DLG1: variants seen among roughly 807,000 people sequenced by gnomAD.
DLG1 encodes the protein discs large MAGUK scaffold protein 1.
A neutral mutation model predicts 123.4 loss-of-function variants in DLG1; 42 were observed. That is an observed-to-expected ratio of 0.34 (90% CI 0.27 to 0.44). The LOEUF (loss-of-function observed/expected upper bound fraction) is 0.44, where lower values mean the gene tolerates loss of function less well. Ranked by LOEUF, DLG1 falls within the 20% of genes least tolerant of loss-of-function variation. The probability of loss-of-function intolerance (pLI) is 1.00; values close to 1 mark genes in which losing one functional copy is unlikely to be tolerated. For missense variants in DLG1, 942 were observed against 1,082.6 expected (o/e 0.87, Z 1.82); for synonymous variants, 317 against 356.2 (o/e 0.89, Z 1.24).
chr3:197,151,119 T>C (rs1028473258), intron 5 of DLG1, among the ~76,000 whole-genome samples: 2 of 152,138 alleles, frequency 1.3e-5, no homozygotes, highest in African/African-American at 4.8e-5. Flanking sequence ...TATTTCCCAA[T>C]GGTATATTGA....
chr3:197,250,858 G>C (rs1046334496), intron 4 of DLG1, among the ~76,000 whole-genome samples: 2 of 150,636 alleles, frequency 1.3e-5, no homozygotes, highest in Non-Finnish European at 3.0e-5. Context: ...GCCAGGCGCA[G>C]TGGCAGGTGC....
chr3:197,139,313 A>G (rs1786746252), intron 8 of DLG1, among the ~76,000 whole-genome samples: 1 of 152,202 alleles, frequency 6.6e-6, no homozygotes, highest in Non-Finnish European at 1.5e-5. Context: ...CTACATTTAC[A>G]TGAATGGTCA....
At chr3:197,297,863 C>G in intron 1 of DLG1, 1 of 985,450 alleles carries the variant, frequency 1.0e-6, no homozygotes, top group Non-Finnish European at 1.2e-6. Context: ...CGGAGCAGCT[C>G]CCCAGCCCGG....
At chr3:197,179,743 T>C (rs919804070) in intron 5 of DLG1, among the ~76,000 whole-genome samples, 10 of 152,158 alleles carry the variant, frequency 6.6e-5, no homozygotes, top group African/African-American at 2.4e-4. Flanking sequence ...ATTCTCTCTA[T>C]TGGACAATAT....
intron 14 of DLG1, among the ~76,000 whole-genome samples, chr3:197,091,595 C>A (rs1283137383): frequency 2.6e-5 from 4 of 151,826 alleles, no homozygotes; most frequent in African/African-American, 9.7e-5. Flanking sequence ...GACACAAAAG[C>A]AATCTGAAGT....
chr3:197,144,136 T>G (rs1157472327), intron 6 of DLG1, among the ~76,000 whole-genome samples: 1 of 152,246 alleles, frequency 6.6e-6, no homozygotes, highest in Non-Finnish European at 1.5e-5. Context: ...AAAAGGAGTC[T>G]CTTTCCTCTT....
Position 197,091,153 on chromosome 3 carries a change from T to C in DLG1, c.1547-127A>G, listed in dbSNP as rs988480960. On this transcript the variant is annotated intron_variant, in intron 14 of 24. Transcript: ENST00000667157. Reference sequence around the variant, plus strand: ...TGGTTAGAACCTTAAAATAGTAATATGCGAAAGATTTTGCCCAACACATAA... The same window carrying C: ...TGGTTAGAACCTTAAAATAGTAATACGCGAAAGATTTTGCCCAACACATAA... 6 of 546,976 alleles carry C rather than the reference T, an allele frequency of 1.1e-5. No individual in the cohort carries two copies. The African/African-American group carries it at 1.1e-4, about 10-fold the overall frequency. 33.9% of individuals were successfully genotyped at this position (546,976 alleles called of 1,614,324 possible).
chr3:197,075,263 G>C (rs903433827), intron 18 of DLG1, among the ~76,000 whole-genome samples: 19 of 132,622 alleles, frequency 1.4e-4, no homozygotes, highest in Non-Finnish European at 2.8e-4. Context: ...CAACATCTTA[G>C]CTAAAGGAAA....
rs141354866 is a variant in DLG1 at position 197,067,230 on chromosome 3, A to C, written c.2048-476T>G. On this transcript the variant is annotated intron_variant, in intron 19 of 24. Transcript: ENST00000667157. ...AAAATAATTACATCTTAAAATTAAA[A>C]ATTATAAATGCAAAGGTAAAACTAC... 3.0e-4 allele frequency among the ~76,000 whole-genome samples: 45 copies of C among 152,162 alleles called. No homozygotes were observed. The East Asian group carries it at 7.7e-3, about 26-fold the overall frequency.
chr3:197,155,254 T>C (rs1247256025), intron 5 of DLG1, among the ~76,000 whole-genome samples: 2 of 152,168 alleles, frequency 1.3e-5, no homozygotes. Context: ...CTGGAGGTCA[T>C]ATGGCAGTGG....
intron 22 of DLG1, among the ~76,000 whole-genome samples, chr3:197,064,620 T>C (rs184916228): frequency 1.6e-4 from 25 of 152,322 alleles, no homozygotes; most frequent in Non-Finnish European, 3.1e-4. Flanking sequence ...ATTGGGTTTC[T>C]GGTCTCTGTT....
chr3:197,229,160 A>C (rs545373583), intron 4 of DLG1, among the ~76,000 whole-genome samples: 9 of 152,280 alleles, frequency 5.9e-5, no homozygotes, highest in South Asian at 4.1e-4. Flanking sequence ...GATCTAGCCC[A>C]AAAATCAAGG....
In DLG1 at chr3:197,235,493, C is replaced by T. The variant is rs901949504; in HGVS notation, c.319-40904G>A. Reference sequence around the variant, plus strand: ...GAGGAGTGTTCAAACTTATACAGAGCAGAGGGGCCTCAATAAACACTTGTA... The same window carrying T: ...GAGGAGTGTTCAAACTTATACAGAGTAGAGGGGCCTCAATAAACACTTGTA... On this transcript the variant is annotated intron_variant, in intron 4 of 24. Coordinates refer to ENST00000667157, the MANE Select transcript of DLG1 (RefSeq NM_001366207.1). 5.3e-5 allele frequency among the ~76,000 whole-genome samples: 8 copies of T among 152,274 alleles called. 1 individual carries two copies. The highest frequency in any genetic ancestry group is 1.9e-4 in the African/African-American group (8 of 41,548).
intron 13 of DLG1, among the ~76,000 whole-genome samples, chr3:197,109,954 T>TA (rs1377410286): frequency 7.2e-5 from 11 of 152,232 alleles, no homozygotes; most frequent in Non-Finnish European, 1.3e-4. Flanking sequence ...AGTTCGATTG[T>TA]AATGTGTCTA....
chr3:197,279,521 C>T (rs982209422), intron 4 of DLG1, among the ~76,000 whole-genome samples: 2 of 152,130 alleles, frequency 1.3e-5, no homozygotes, highest in Non-Finnish European at 2.9e-5. Flanking sequence ...ATGTGCCATG[C>T]GCTAAACAAC....
intron 15 of DLG1, among the ~76,000 whole-genome samples, chr3:197,089,452 G>T (rs1162231549): frequency 6.6e-6 from 1 of 151,718 alleles, no homozygotes; most frequent in East Asian, 1.9e-4. Context: ...CCTTGAACCC[G>T]GGAGGTTGAG....
intron 4 of DLG1, among the ~76,000 whole-genome samples, chr3:197,255,653 AG>A (rs1446199510): frequency 6.6e-6 from 1 of 152,230 alleles, no homozygotes; most frequent in Non-Finnish European, 1.5e-5. Context: ...AGCAATAAAA[AG>A]GAACAAGCTA....
intron 17 of DLG1, among the ~76,000 whole-genome samples, chr3:197,077,885 T>C (rs915900024): frequency 6.6e-6 from 1 of 152,174 alleles, no homozygotes; most frequent in African/African-American, 2.4e-5. Context: ...ATATAAAGAA[T>C]AGATTTTTTT....
chr3:197,271,402 T>TG (rs1364357199), intron 4 of DLG1, among the ~76,000 whole-genome samples: 1 of 152,174 alleles, frequency 6.6e-6, no homozygotes, highest in Admixed American at 6.5e-5. Context: ...GAAGCATCCT[T>TG]GTATTAGTTT....
Sources: gnomAD v4.1 joint callset for allele counts (sites outside exome capture counted in the v4.1 genomes callset) on GRCh38, gnomAD v4.1.1 for gene constraint, MANE v1.5 for transcripts, NCBI Gene and HGNC (gene_info 2026-07-23, HGNC 2026-07-21) for gene names.